The following KLHL23 variants were observed in gnomAD, a reference collection of about 807,000 sequenced individuals.
KLHL23 encodes the protein kelch like family member 23, also known as kelch-like protein 23.
KLHL23 carries 33 observed loss-of-function variants against 48.9 expected under a neutral mutation model. The observed-to-expected ratio is 0.67, with a 90% CI of 0.51 to 0.90. The LOEUF (loss-of-function observed/expected upper bound fraction) is 0.90, where lower values mean the gene tolerates loss of function less well. Ranked by LOEUF, KLHL23 falls within the 40% of genes least tolerant of loss-of-function variation. The probability of loss-of-function intolerance (pLI) is 0.00; values close to 1 mark genes in which losing one functional copy is unlikely to be tolerated. For missense variants in KLHL23, 608 were observed against 669.6 expected (o/e 0.91, Z 1.02); for synonymous variants, 234 against 231.6 (o/e 1.01, Z -0.09).
intron 3 of KLHL23, among the ~76,000 whole-genome samples, chr2:169,743,405 T>C (rs1447774205): frequency 1.3e-5 from 2 of 152,230 alleles, no homozygotes; most frequent in African/African-American, 4.8e-5. Context: ...AATTATAATA[T>C]AAATCAATGG....
chr2:169,746,448 A>G (rs955905921), intron 3 of KLHL23, among the ~76,000 whole-genome samples: 1 of 152,226 alleles, frequency 6.6e-6, no homozygotes, highest in Non-Finnish European at 1.5e-5. Flanking sequence ...GAGCCGTGAC[A>G]GATGGTGTCA....
In KLHL23 at chr2:169,735,067, A is replaced by G; in HGVS notation, c.53A>G (p.His18Arg). The G allele has an allele frequency of 6.3e-7, 1 of 1,596,020 alleles. No individual in the cohort carries two copies. The highest frequency in any genetic ancestry group is 8.5e-7 in the Non-Finnish European group (1 of 1,174,644). Residue 18 changes from histidine (H) to arginine (R), a missense_variant, in exon 2 of 4, where the codon CAT becomes CGT. Coordinates refer to ENST00000392647, the MANE Select transcript of KLHL23 (RefSeq NM_144711.6). This position sits in a 1 kb window ranked among gnomAD's most constrained non-coding sequence, Gnocchi z 4.5. ...DYIYLFKDST[H>R]PVDFLDAFRT... ...ATTTATCTTTTCAAGGATTCAACAC[A>G]TCCAGTGGATTTTCTGGATGCATTC...
At position 169,740,766 on chromosome 2, in the gene KLHL23, T is replaced by TTTTATATATA. The variant is rs1553477016; in HGVS notation, c.1214-618_1214-617insTTATATATAT. On this transcript the variant is annotated intron_variant, in intron 2 of 3. Coordinates refer to ENST00000392647, the MANE Select transcript of KLHL23 (RefSeq NM_144711.6). ...CCCGGCCTCTATAAGCTTTTTTATA[T>TTTTATATATA]TATATATATATATATATATATATAT... Among the ~76,000 whole-genome samples, 904 of 125,414 alleles carry TTTTATATATA rather than the reference T, an allele frequency of 7.2e-3. 9 individuals carry two copies. The highest frequency in any genetic ancestry group is 0.015 in the South Asian group (59 of 3,916). The allele number at this position is 125,414 out of a possible 152,430, so 82.3% of individuals were successfully genotyped here. A position where few individuals can be genotyped will look rare whatever the true frequency, so the allele number is the denominator to read the frequency against.
chr2:169,750,057 CATGTATGTGTATATATACGT>C lies in KLHL23; in HGVS notation c.*334_*353del, dbSNP rs1469452276. On this transcript the variant is annotated 3_prime_UTR_variant, in exon 4 of 4. Coordinates refer to ENST00000392647, the MANE Select transcript of KLHL23 (RefSeq NM_144711.6). ...TGTGTATATATAGTATGTATGTATA[CATGTATGTGTATATATACGT>C]ATGTATGTATACATATATGTGTATA... is the stretch of plus-strand genomic sequence containing the variant. 7.4e-6 allele frequency: 1 copy of C among 134,614 alleles called. No individual in the cohort carries two copies. Among genetic ancestry groups the C allele is most frequent in the Non-Finnish European group, 1.6e-5 (1 of 61,370 alleles). The allele number at this position is 134,614 out of a possible 1,614,324, so 8.3% of individuals were successfully genotyped here. A position where few individuals can be genotyped will look rare whatever the true frequency, so the allele number is the denominator to read the frequency against.
rs1354446595 is a variant in KLHL23 at position 169,749,806 on chromosome 2, A to T, written c.*74A>T. ...TATAAAAAAAGAATGCAGGGTTTGAAGTTCCTTACCTGATAATTGTGTCTG... is the reference window on the plus strand; with the variant it reads ...TATAAAAAAAGAATGCAGGGTTTGATGTTCCTTACCTGATAATTGTGTCTG... On this transcript the variant is annotated 3_prime_UTR_variant, in exon 4 of 4. Transcript: ENST00000392647. 6.6e-7 allele frequency: 1 copy of T among 1,507,402 alleles called. No homozygotes were observed. The highest frequency in any genetic ancestry group is 1.4e-5 in the African/African-American group (1 of 71,714). The allele number at this position is 1,507,402 out of a possible 1,614,324, so 93.4% of individuals were successfully genotyped here.
chr2:169,742,286 T>C lies in KLHL23; in HGVS notation c.1366+749T>C, dbSNP rs568938885. Among the ~76,000 whole-genome samples, 3 of 152,284 alleles carry C rather than the reference T, an allele frequency of 2.0e-5. No individual in the cohort carries two copies. In the East Asian group the frequency reaches 5.8e-4, roughly 29 times the overall value. ...GGTCAGTGGAGGGGGTAGTGGAAAT[T>C]CACAAGCTGGAACCATCTGAGAGGA... On this transcript the variant is annotated intron_variant, in intron 3 of 3. Transcript: ENST00000392647.
At chr2:169,744,300 A>G (rs1481892127) in intron 3 of KLHL23, among the ~76,000 whole-genome samples, 1 of 152,222 alleles carries the variant, frequency 6.6e-6, no homozygotes, top group Non-Finnish European at 1.5e-5. Context: ...AAATCTGACT[A>G]TCTTAGAATG....
chr2:169,745,962 G>T (rs1469495132), intron 3 of KLHL23, among the ~76,000 whole-genome samples: 1 of 152,214 alleles, frequency 6.6e-6, no homozygotes, highest in Non-Finnish European at 1.5e-5. Flanking sequence ...GAGATCTGGG[G>T]ATTGTTTGCT....
rs1399363315 is a variant in KLHL23, at chr2:169,750,187, A to G, written c.*455A>G. Reference sequence around the variant, plus strand: ...AGTTGAATCAGTGGGATTAATACCTATAATCTCTGGTTTTCAAAGGTAATA... The same window carrying G: ...AGTTGAATCAGTGGGATTAATACCTGTAATCTCTGGTTTTCAAAGGTAATA... On this transcript the variant is annotated 3_prime_UTR_variant, in exon 4 of 4. Transcript: ENST00000392647. 2.6e-5 allele frequency: 4 copies of G among 153,056 alleles called. No individual in the cohort carries two copies. The Admixed American group carries it at 2.6e-4, about 10-fold the overall frequency. The allele number at this position is 153,056 out of a possible 1,614,324, so 9.5% of individuals were successfully genotyped here. A position where few individuals can be genotyped will look rare whatever the true frequency, so the allele number is the denominator to read the frequency against.
chr2:169,735,486 T>A lies in KLHL23; in HGVS notation c.472T>A (p.Ser158Thr). 1 of 1,613,996 alleles carries A rather than the reference T, an allele frequency of 6.2e-7. No homozygotes were observed. The highest frequency in any genetic ancestry group is 8.5e-7 in the Non-Finnish European group (1 of 1,180,018). The change falls in exon 2 of 4, where the codon TCT (serine) becomes ACT (threonine). Residue 158 changes from serine to threonine, a missense_variant. Physicochemically the swap from Ser to Thr is moderately conservative, Grantham distance 58 (BLOSUM62 1). Around this residue, in one of 3 missense-constraint regions of KLHL23, gnomAD observed 419 missense variants for 473.1 expected, o/e 0.89. Coordinates refer to ENST00000392647, the MANE Select transcript of KLHL23 (RefSeq NM_144711.6). The surrounding 1 kb of genome is among the most constrained non-coding windows in gnomAD (Gnocchi z 4.5). ...TGTGTGTCCAGAACTAGAGAAGGAA[T>A]CTCGAAGAATTCTATGTTCAAAGTT... ...FHVCPELEKE[S>T]RRILCSKFKE...
chr2:169,737,778 G>A (rs1216928368), intron 2 of KLHL23, among the ~76,000 whole-genome samples: 3 of 151,756 alleles, frequency 2.0e-5, no homozygotes, highest in Non-Finnish European at 1.5e-5. Context: ...CCACACCTAG[G>A]TAATTTTTGT....
At chr2:169,746,815 T>C (rs1048583832) in intron 3 of KLHL23, among the ~76,000 whole-genome samples, 1 of 152,244 alleles carries the variant, frequency 6.6e-6, no homozygotes, top group African/African-American at 2.4e-5. Context: ...AAAAGCCTAG[T>C]GAGTGATGTT....
chr2:169,734,794 A>G (rs1384230557), intron 1 of KLHL23, among the ~76,000 whole-genome samples: 3 of 152,146 alleles, frequency 2.0e-5, no homozygotes, highest in Non-Finnish European at 4.4e-5. Flanking sequence ...GACTACTGAA[A>G]AATCCAGGAG....
At chr2:169,743,963 A>T (rs1688733998) in intron 3 of KLHL23, among the ~76,000 whole-genome samples, 1 of 152,232 alleles carries the variant, frequency 6.6e-6, no homozygotes, top group Non-Finnish European at 1.5e-5. Flanking sequence ...TTACACTGAG[A>T]AGAAATGACT....
At chr2:169,734,419 C>G (rs1208606801) in intron 1 of KLHL23, among the ~76,000 whole-genome samples, 1 of 150,342 alleles carries the variant, frequency 6.7e-6, no homozygotes, top group Non-Finnish European at 1.5e-5. Context: ...GGCCGGGGCC[C>G]AGGCGCGGGG....
At chr2:169,734,127 TGGGAGCGAGCGGGGCCGGGCGCG>T (rs1019497973) in intron 1 of KLHL23, 40 bp downstream of exon 1, 2 of 142,066 alleles carry the variant, frequency 1.4e-5, no homozygotes, top group Non-Finnish European at 3.2e-5. Context: ...GCCGGCCTGC[TGGGAGCGAGCGGGGCCGGGCGCG>T]GGGAGCGGGG....
In KLHL23 at chr2:169,751,450, CTGTAAAAATGACCATATCCTT is replaced by C. The variant is rs751117138; in HGVS notation, c.*1721_*1741del. 2.0e-5 allele frequency: 3 copies of C among 152,110 alleles called. No homozygotes were observed. The highest frequency in any genetic ancestry group is 2.9e-5 in the Non-Finnish European group (2 of 68,028). 9.4% of individuals were successfully genotyped at this position (152,110 alleles called of 1,614,324 possible). Reference sequence around the variant, plus strand: ...ACAATATGGTACTACATAGCAAGGGCTGTAAAAATGACCATATCCTTTGCCCCATAAATTCTACTTCTATAC... The same window carrying C: ...ACAATATGGTACTACATAGCAAGGGCTGCCCCATAAATTCTACTTCTATAC... On this transcript the variant is annotated 3_prime_UTR_variant, in exon 4 of 4. Coordinates refer to ENST00000392647, the MANE Select transcript of KLHL23 (RefSeq NM_144711.6).
At chr2:169,747,703 C>T (rs1688828405) in intron 3 of KLHL23, among the ~76,000 whole-genome samples, 2 of 151,936 alleles carry the variant, frequency 1.3e-5, no homozygotes, top group South Asian at 4.2e-4. Context: ...CACAAGCGTA[C>T]AAAGTACAAT....
intron 3 of KLHL23, among the ~76,000 whole-genome samples, chr2:169,747,451 A>G (rs1311630391): frequency 7.9e-6 from 1 of 126,388 alleles, no homozygotes; most frequent in Non-Finnish European, 1.6e-5. Context: ...TTCCACTCCT[A>G]AAGAGGAAAT....
Sources: gnomAD v4.1 joint callset for allele counts (sites outside exome capture counted in the v4.1 genomes callset) on GRCh38, gnomAD v4.1.1 for gene constraint, gnomAD v4.1.1 regional missense constraint, Gnocchi (gnomAD v3.1) non-coding constraint, MANE v1.5 for transcripts, NCBI Gene and HGNC (gene_info 2026-07-23, HGNC 2026-07-21) for gene names.